CAMK1D: variants seen among roughly 807,000 people sequenced by gnomAD.
The protein encoded by CAMK1D is calcium/calmodulin-dependent protein kinase type 1D.
Under a neutral mutation model 47.7 loss-of-function variants are expected in CAMK1D, and 9 were observed. The ratio of observed to expected loss-of-function variants is 0.19; its 90% CI spans 0.11 to 0.33. The LOEUF (loss-of-function observed/expected upper bound fraction) is 0.33. Among genes scored for constraint, CAMK1D ranks in the 10% least tolerant of loss-of-function variants. The pLI, the probability that CAMK1D is intolerant of heterozygous loss-of-function variation, is 1.00. For missense variants in CAMK1D, 291 were observed against 488.7 expected, an observed-to-expected ratio of 0.60 and a Z score of 3.81; for synonymous variants, 184 against 184.9, an observed-to-expected ratio of 0.99 and a Z score of 0.04.
At chr10:12,625,539 C>T (rs1200196348) in intron 2 of CAMK1D, among the ~76,000 whole-genome samples, 5 of 150,654 alleles carry the variant, frequency 3.3e-5, no homozygotes, top group Non-Finnish European at 1.5e-5. Context: ...GTATGCTGCC[C>T]AGGCTGGTCT....
At chr10:12,687,836 A>C (rs531844926) in intron 3 of CAMK1D, among the ~76,000 whole-genome samples, 28 of 152,300 alleles carry the variant, frequency 1.8e-4, no homozygotes, top group Admixed American at 1.6e-3. Flanking sequence ...GCTGTAATAG[A>C]TTGTGCTTTC....
At position 12,767,918 on chromosome 10, in the gene CAMK1D, G is replaced by A. The variant is rs79107960; in HGVS notation, c.439-1755G>A. Among the ~76,000 whole-genome samples the A allele has an allele frequency of 2.0e-4, 31 of 152,176 alleles. 1 individual carries two copies. The highest frequency in any genetic ancestry group is 7.0e-4 in the African/African-American group (29 of 41,436). On this transcript the variant is annotated intron_variant, in intron 4 of 10. Transcript: ENST00000619168. ...ACGGAGTTTCACTCTTGTCATCCAG[G>A]CTGGAGTGCAATGGCGCGATCTTGG...
intron 1 of CAMK1D, among the ~76,000 whole-genome samples, chr10:12,523,444 G>T (rs1030648676): frequency 4.6e-5 from 7 of 152,230 alleles, no homozygotes; most frequent in African/African-American, 1.7e-4. Context: ...CTGCACTCCA[G>T]CCTGGGCACC....
intron 3 of CAMK1D, among the ~76,000 whole-genome samples, chr10:12,740,373 C>T (rs1215876652): frequency 6.6e-6 from 1 of 152,088 alleles, no homozygotes; most frequent in South Asian, 2.1e-4. Flanking sequence ...TGGAGGCAGG[C>T]GAATCACCTG....
intron 2 of CAMK1D, among the ~76,000 whole-genome samples, chr10:12,618,081 T>C (rs1368583795): frequency 6.6e-6 from 1 of 150,732 alleles, no homozygotes; most frequent in Non-Finnish European, 1.5e-5. Context: ...GGATCTAGTA[T>C]TGAGAGGTGA....
Position 12,377,777 on chromosome 10 carries a change from CAG to C in CAMK1D, c.92+27869_92+27870del, listed in dbSNP as rs1194565095. 3.9e-5 allele frequency among the ~76,000 whole-genome samples: 6 copies of C among 152,264 alleles called. No individual in the cohort carries two copies. The East Asian group carries it at 1.2e-3, about 29-fold the overall frequency. On this transcript the variant is annotated intron_variant, in intron 1 of 10. Transcript: ENST00000619168. Reference sequence around the variant, plus strand: ...ATCTCGAACACCCAGTCTCTTAAGACAGATGATCTGGCATGATGTGCACAGTT... The same window carrying C: ...ATCTCGAACACCCAGTCTCTTAAGACATGATCTGGCATGATGTGCACAGTT...
chr10:12,462,547 G>A (rs1305065413), intron 1 of CAMK1D, among the ~76,000 whole-genome samples: 2 of 150,970 alleles, frequency 1.3e-5, no homozygotes, highest in African/African-American at 2.4e-5. Context: ...TAACAGAATT[G>A]TTGTAAAATA....
intron 2 of CAMK1D, among the ~76,000 whole-genome samples, chr10:12,632,549 A>G (rs1839409994): frequency 6.6e-6 from 1 of 152,198 alleles, no homozygotes. Context: ...TTTCTCCTAT[A>G]TATATTTGAA....
intron 1 of CAMK1D, among the ~76,000 whole-genome samples, chr10:12,441,072 A>G (rs1340733814): frequency 6.6e-6 from 1 of 152,256 alleles, no homozygotes; most frequent in African/African-American, 2.4e-5. Flanking sequence ...GTTTATTACC[A>G]TTAAATGATA....
intron 5 of CAMK1D, among the ~76,000 whole-genome samples, chr10:12,786,383 C>T (rs940916120): frequency 1.3e-5 from 2 of 152,100 alleles, no homozygotes; most frequent in Admixed American, 1.3e-4. Flanking sequence ...AGACACAACA[C>T]CAAAAAGTGC....
chr10:12,691,910 T>C (rs535746648), intron 3 of CAMK1D, among the ~76,000 whole-genome samples: 1 of 152,278 alleles, frequency 6.6e-6, no homozygotes, highest in South Asian at 2.1e-4. Context: ...GTAAATTACA[T>C]CCTATGGTAT....
rs118049942 is a variant in CAMK1D, at chr10:12,766,614, T to C, written c.439-3059T>C. On this transcript the variant is annotated intron_variant, in intron 4 of 10. Transcript: ENST00000619168. ...AAAAAAAAATAATAATTTATTGGGC[T>C]GCTTTTTGTTAGAAGGGAAGCCTTG... Among the ~76,000 whole-genome samples the C allele has an allele frequency of 7.6e-3, 1,152 of 152,260 alleles. 11 individuals are homozygous for C. Among genetic ancestry groups the C allele is most frequent in the East Asian group, 0.057 (297 of 5,166 alleles).
chr10:12,434,437 A>G (rs867376800), intron 1 of CAMK1D, among the ~76,000 whole-genome samples: 8 of 152,146 alleles, frequency 5.3e-5, no homozygotes, highest in Admixed American at 4.6e-4. Context: ...TGAGATGCCC[A>G]CTACCCTAGT....
intron 3 of CAMK1D, among the ~76,000 whole-genome samples, chr10:12,698,791 G>C (rs1004886789): frequency 6.8e-6 from 1 of 147,624 alleles, no homozygotes; most frequent in Non-Finnish European, 1.5e-5. Flanking sequence ...TCCTGCCTCA[G>C]GCTCCCAAGT....
chr10:12,694,235 A>T (rs1346823310), intron 3 of CAMK1D, among the ~76,000 whole-genome samples: 2 of 66,604 alleles, frequency 3.0e-5, no homozygotes, highest in African/African-American at 1.2e-4. Flanking sequence ...TATTATGTAT[A>T]ATATATAATA....
At chr10:12,696,273 A>C (rs1833293244) in intron 3 of CAMK1D, among the ~76,000 whole-genome samples, 1 of 152,092 alleles carries the variant, frequency 6.6e-6, no homozygotes, top group Non-Finnish European at 1.5e-5. Flanking sequence ...CTGGTGGCTC[A>C]TGCCCGTAAT....
chr10:12,794,430 G>A (rs553962962), intron 6 of CAMK1D, among the ~76,000 whole-genome samples: 1 of 152,126 alleles, frequency 6.6e-6, no homozygotes, highest in Non-Finnish European at 1.5e-5. Flanking sequence ...GTGTATGCAC[G>A]TGTGGAATTC....
intron 2 of CAMK1D, among the ~76,000 whole-genome samples, chr10:12,642,540 T>C (rs1839696385): frequency 1.3e-5 from 2 of 152,208 alleles, no homozygotes; most frequent in African/African-American, 2.4e-5. Flanking sequence ...GAGCATACTC[T>C]TTCCAACATT....
chr10:12,727,566 C>A (rs1439330320), intron 3 of CAMK1D, among the ~76,000 whole-genome samples: 2 of 152,218 alleles, frequency 1.3e-5, no homozygotes, highest in African/African-American at 4.8e-5. Flanking sequence ...ACAACAGTGT[C>A]TTCTGGGCAC....
Sources: gnomAD v4.1 joint callset for allele counts (sites outside exome capture counted in the v4.1 genomes callset) on GRCh38, gnomAD v4.1.1 for gene constraint, MANE v1.5 for transcripts, NCBI Gene and HGNC (gene_info 2026-07-23, HGNC 2026-07-21) for gene names.